CNTN4: variants seen among roughly 807,000 people sequenced by gnomAD.
CNTN4 encodes contactin 4.
In CNTN4, 77 loss-of-function variants were observed where a neutral mutation model predicts 122.5. The observed-to-expected ratio is 0.63, with a 90% confidence interval of 0.52 to 0.76. CNTN4 has a LOEUF of 0.76. CNTN4 is among the 30% of genes least tolerant of loss of function. CNTN4 has a pLI of 0.00. For synonymous variants in CNTN4, 512 were observed against 447.0 expected, an observed-to-expected ratio of 1.15 and a Z score of -1.83; for missense variants, 1,256 against 1,259.1, an observed-to-expected ratio of 1.00 and a Z score of 0.04.
chr3:2,216,068 A>G (rs375426213), intron 2 of CNTN4, among the ~76,000 whole-genome samples: 1 of 152,140 alleles, frequency 6.6e-6, no homozygotes, highest in Non-Finnish European at 1.5e-5. Context: ...TCATTCTACC[A>G]TAAAGACACA....
intron 2 of CNTN4, among the ~76,000 whole-genome samples, chr3:2,218,360 A>G (rs556728553): frequency 6.6e-6 from 1 of 152,226 alleles, no homozygotes; most frequent in South Asian, 2.1e-4. Flanking sequence ...ACTTTCTTTT[A>G]AAGCATAAGT....
chr3:2,391,189 A>G (rs1387319347), intron 3 of CNTN4, among the ~76,000 whole-genome samples: 3 of 152,220 alleles, frequency 2.0e-5, no homozygotes, highest in Admixed American at 2.0e-4. Context: ...GATACTTGCC[A>G]TATCTTCAAA....
At chr3:2,774,739 C>T (rs141072215) in intron 6 of CNTN4, among the ~76,000 whole-genome samples, 1 of 152,096 alleles carries the variant, frequency 6.6e-6, no homozygotes, top group African/African-American at 2.4e-5. Context: ...ATGACTGTTA[C>T]AGCAGTTTTG....
intron 2 of CNTN4, among the ~76,000 whole-genome samples, chr3:2,271,993 G>A (rs916613633): frequency 1.3e-5 from 2 of 152,012 alleles, no homozygotes; most frequent in Admixed American, 1.3e-4. Flanking sequence ...AAGATGTTAA[G>A]TAAAAAAACA....
At chr3:2,150,743 A>C (rs1448332514) in intron 2 of CNTN4, among the ~76,000 whole-genome samples, 1 of 152,218 alleles carries the variant, frequency 6.6e-6, no homozygotes, top group Non-Finnish European at 1.5e-5. Context: ...TTGGAAGAGC[A>C]GGGCACTCTC....
chr3:2,237,300 G>T (rs2039721123), intron 2 of CNTN4, among the ~76,000 whole-genome samples: 2 of 151,962 alleles, frequency 1.3e-5, no homozygotes, highest in Admixed American at 1.3e-4. Flanking sequence ...ATATCACATT[G>T]AATTTAAATT....
At chr3:2,559,660 T>G (rs2078866143) in intron 3 of CNTN4, among the ~76,000 whole-genome samples, 1 of 152,030 alleles carries the variant, frequency 6.6e-6, no homozygotes, top group Non-Finnish European at 1.5e-5. Context: ...AAAATGGAGG[T>G]GAGGCTCTCA....
At chr3:2,120,403 A>ATTTT (rs1245238403) in intron 2 of CNTN4, among the ~76,000 whole-genome samples, 41 of 35,796 alleles carry the variant, frequency 1.1e-3, no homozygotes, top group African/African-American at 3.5e-3. Context: ...ATATATATAT[A>ATTTT]TATTTTTTTT....
chr3:2,387,578 T>A (rs1046450287), intron 3 of CNTN4, among the ~76,000 whole-genome samples: 3 of 152,140 alleles, frequency 2.0e-5, no homozygotes, highest in Non-Finnish European at 4.4e-5. Flanking sequence ...GAAGAATATT[T>A]AATAATAGAG....
chr3:2,340,713 A>AGAGAGAGAGAGAGAGAGAGAGG, intron 3 of CNTN4, among the ~76,000 whole-genome samples: 1 of 124,122 alleles, frequency 8.1e-6, no homozygotes, highest in African/African-American at 3.1e-5. Flanking sequence ...ATATATATAG[A>AGAGAGAGAGAGAGAGAGAGAGG]GAGAGAGAGA....
At chr3:2,535,715 G>A (rs1411273041) in intron 3 of CNTN4, among the ~76,000 whole-genome samples, 1 of 152,122 alleles carries the variant, frequency 6.6e-6, no homozygotes, top group Non-Finnish European at 1.5e-5. Flanking sequence ...GGATTTGGTA[G>A]TTGTATATTT....
intron 3 of CNTN4, among the ~76,000 whole-genome samples, chr3:2,432,093 TA>T (rs546709777): frequency 6.7e-4 from 102 of 152,320 alleles, no homozygotes; most frequent in African/African-American, 2.4e-3. Flanking sequence ...GAAGCCAGAA[TA>T]TTTTTGTTTC....
intron 2 of CNTN4, among the ~76,000 whole-genome samples, chr3:2,230,438 C>T (rs2039441765): frequency 6.6e-6 from 1 of 152,180 alleles, no homozygotes; most frequent in Non-Finnish European, 1.5e-5. Flanking sequence ...GAAACTCAAA[C>T]TTTCTGATTT....
Position 2,999,865 on chromosome 3 carries a change from C to T in CNTN4, c.1486+11393C>T, listed in dbSNP as rs113762600. On this transcript the variant is annotated intron_variant, in intron 14 of 24. Coordinates refer to ENST00000418658, the MANE Select transcript of CNTN4 (RefSeq NM_175607.3). ...TGGGGGAATGAAATCCCTAGCCATT[C>T]TCTGCCCTTTCCTCAAACTTTTCCT... Among the ~76,000 whole-genome samples the T allele has an allele frequency of 1.7e-3, 259 of 152,312 alleles. 1 individual carries two copies. The highest frequency in any genetic ancestry group is 5.9e-3 in the African/African-American group (246 of 41,576).
intron 2 of CNTN4, among the ~76,000 whole-genome samples, chr3:2,135,340 A>G (rs1574911531): frequency 6.6e-6 from 1 of 152,222 alleles, no homozygotes; most frequent in African/African-American, 2.4e-5. Context: ...AGTGTTATGT[A>G]AAATACGAGT....
intron 2 of CNTN4, among the ~76,000 whole-genome samples, chr3:2,274,409 A>C (rs945980188): frequency 1.0e-4 from 14 of 139,792 alleles, no homozygotes; most frequent in South Asian, 9.4e-4. Context: ...AAACAAACAA[A>C]CAACCCAGGA....
In CNTN4 at chr3:2,237,110, A is replaced by T. The variant is rs2039709134; in HGVS notation, c.-144-102068A>T. Among the ~76,000 whole-genome samples, 3 of 152,290 alleles carry T rather than the reference A, an allele frequency of 2.0e-5. No individual in the cohort carries two copies. The South Asian group carries it at 6.2e-4, about 32-fold the overall frequency. On this transcript the variant is annotated intron_variant, in intron 2 of 24. Transcript: ENST00000418658. Reference sequence around the variant, plus strand: ...TTTTCTCTATGAGTAATGGGAAGACAGTGAAGCATCTTAAGAGGGTTGAGG... The same window carrying T: ...TTTTCTCTATGAGTAATGGGAAGACTGTGAAGCATCTTAAGAGGGTTGAGG...
chr3:3,039,957 G>A (rs1234854177), intron 19 of CNTN4, 80 bp from the exon 20 acceptor site: 2 of 954,996 alleles, frequency 2.1e-6, no homozygotes, highest in Non-Finnish European at 3.4e-6. Flanking sequence ...AGACAAGAAT[G>A]TTACAAGGGA....
chr3:2,354,646 A>G (rs767356695), intron 3 of CNTN4, among the ~76,000 whole-genome samples: 1 of 152,206 alleles, frequency 6.6e-6, no homozygotes, highest in Non-Finnish European at 1.5e-5. Flanking sequence ...AAGTACTAAT[A>G]GGGACTTTGT....
Sources: allele counts gnomAD v4.1 joint callset (sites outside exome capture counted in the v4.1 genomes callset), GRCh38; gene constraint gnomAD v4.1.1; transcripts MANE v1.5; gene names NCBI Gene and HGNC (gene_info 2026-07-23, HGNC 2026-07-21).